The following CADPS variants were observed in gnomAD, a reference collection of about 807,000 sequenced individuals.
The protein encoded by CADPS is calcium-dependent secretion activator 1.
Under a neutral mutation model 167.3 loss-of-function variants are expected in CADPS, and 57 were observed. The observed-to-expected ratio is 0.34, with a 90% confidence interval of 0.28 to 0.42. The LOEUF is 0.42. Among genes scored for constraint, CADPS ranks in the 20% least tolerant of loss-of-function variants. The pLI is 1.00. For synonymous variants in CADPS, 676 were observed against 635.3 expected, an observed-to-expected ratio of 1.06 and a Z score of -0.96; for missense variants, 1,414 against 1,738.1, an observed-to-expected ratio of 0.81 and a Z score of 3.32.
rs540283925 is a variant in CADPS, at chr3:62,602,940, C to A, written c.1326-10192G>T. 1.3e-5 allele frequency among the ~76,000 whole-genome samples: 2 copies of A among 152,234 alleles called. No individual in the cohort carries two copies. Among genetic ancestry groups the A allele is most frequent in the South Asian group, 2.1e-4 (1 of 4,820 alleles). The stretch of plus-strand genomic sequence containing the variant: ...GTCACCGGATCTTTCAAATCCCCTA[C>A]GTATATCACAAATCTGATTTTTGCT... On this transcript the variant is annotated intron_variant, in intron 6 of 29. Coordinates refer to ENST00000383710, the MANE Select transcript of CADPS (RefSeq NM_003716.4). The surrounding 1 kb of genome is among the most constrained non-coding windows in gnomAD (Gnocchi z 4.4).
chr3:62,501,882 A>ATG (rs1184212682), intron 17 of CADPS, among the ~76,000 whole-genome samples: 1 of 152,260 alleles, frequency 6.6e-6, no homozygotes, highest in Admixed American at 6.5e-5. Flanking sequence ...GTGCATGTGC[A>ATG]TGCAGCCATT....
At chr3:62,434,551 C>T (rs1489378852) in intron 28 of CADPS, among the ~76,000 whole-genome samples, 3 of 152,066 alleles carry the variant, frequency 2.0e-5, no homozygotes, top group South Asian at 2.1e-4. Flanking sequence ...CAAAAAAAAT[C>T]GGTGAGGATG....
intron 26 of CADPS, among the ~76,000 whole-genome samples, chr3:62,461,201 A>T (rs1334339506): frequency 2.0e-5 from 3 of 152,242 alleles, no homozygotes; most frequent in Admixed American, 1.3e-4. Context: ...ATACATTTAA[A>T]GCACATAGCT....
intron 1 of CADPS, among the ~76,000 whole-genome samples, chr3:62,813,465 G>A (rs1218631721): frequency 2.0e-5 from 3 of 151,936 alleles, no homozygotes; most frequent in Non-Finnish European, 2.9e-5. Flanking sequence ...AAATAAACTC[G>A]AGATGTATTA....
At chr3:62,764,049 C>T (rs2086230255) in intron 2 of CADPS, among the ~76,000 whole-genome samples, 1 of 152,020 alleles carries the variant, frequency 6.6e-6, no homozygotes, top group Admixed American at 6.6e-5. Context: ...TTAATTTATG[C>T]CATTAGTCAA....
intron 1 of CADPS, among the ~76,000 whole-genome samples, chr3:62,781,683 G>C (rs1044778863): frequency 1.3e-5 from 2 of 152,184 alleles, no homozygotes; most frequent in African/African-American, 4.8e-5. Flanking sequence ...GATTGTGTGT[G>C]GGGGCACATG....
At chr3:62,727,673 T>A (rs968556647) in intron 3 of CADPS, among the ~76,000 whole-genome samples, 2 of 151,650 alleles carry the variant, frequency 1.3e-5, no homozygotes, top group Non-Finnish European at 2.9e-5. Flanking sequence ...CAACACTAGA[T>A]GAGAAAACCA....
intron 10 of CADPS, among the ~76,000 whole-genome samples, chr3:62,554,102 G>C (rs2077736646): frequency 6.6e-6 from 1 of 152,202 alleles, no homozygotes; most frequent in Non-Finnish European, 1.5e-5. Context: ...TCAGTTGTTT[G>C]ATAAACTGTG....
chr3:62,647,885 C>T (rs1435704124), intron 5 of CADPS, among the ~76,000 whole-genome samples: 1 of 152,164 alleles, frequency 6.6e-6, no homozygotes, highest in Non-Finnish European at 1.5e-5. Flanking sequence ...GATGAAAAAG[C>T]ACCTGGCCCA....
At chr3:62,764,639 T>G (rs537601336) in intron 2 of CADPS, among the ~76,000 whole-genome samples, 1 of 152,292 alleles carries the variant, frequency 6.6e-6, no homozygotes, top group Non-Finnish European at 1.5e-5. Flanking sequence ...CTTTAGCAAG[T>G]GGGAAGAAGA....
chr3:62,483,536 C>A (rs1159988837), intron 21 of CADPS, among the ~76,000 whole-genome samples: 1 of 152,154 alleles, frequency 6.6e-6, no homozygotes. Flanking sequence ...GTCTACCTGG[C>A]ATTCTCTTCT....
At chr3:62,717,238 C>T (rs1392726692) in intron 3 of CADPS, among the ~76,000 whole-genome samples, 1 of 152,174 alleles carries the variant, frequency 6.6e-6, no homozygotes, top group African/African-American at 2.4e-5. Flanking sequence ...GGGCTCAGTA[C>T]AGAATCACAT....
Position 62,605,285 on chromosome 3 carries a change from C to A in CADPS, c.1326-12537G>T, listed in dbSNP as rs535949432. Among the ~76,000 whole-genome samples the A allele has an allele frequency of 1.1e-4, 16 of 152,020 alleles. No homozygotes were observed. In the South Asian group the frequency reaches 2.9e-3, roughly 28 times the overall value. On this transcript the variant is annotated intron_variant, in intron 6 of 29. Coordinates refer to ENST00000383710, the MANE Select transcript of CADPS (RefSeq NM_003716.4). ...AAAACTGGGAGAGACAGAACAACAG[C>A]CTCTGAGCTGAAGAAGTCCTGAAGA...
chr3:62,680,597 T>C (rs1379009743), intron 3 of CADPS, among the ~76,000 whole-genome samples: 1 of 152,010 alleles, frequency 6.6e-6, no homozygotes. Flanking sequence ...CCTTGACATG[T>C]CTCCCCTGGA....
In CADPS at chr3:62,516,560, T is replaced by C; in HGVS notation, c.2457+20A>G. 6.4e-7 allele frequency: 1 copy of C among 1,562,098 alleles called. No homozygotes were observed. The highest frequency in any genetic ancestry group is 8.8e-7 in the Non-Finnish European group (1 of 1,140,808). On this transcript the variant is annotated intron_variant, in intron 15 of 29. Transcript: ENST00000383710. ...TGTCTTTTTATATATATGTGATCTATCTTTTACTTTCATTCTTACCCTTTC... is the reference window on the plus strand; with the variant it reads ...TGTCTTTTTATATATATGTGATCTACCTTTTACTTTCATTCTTACCCTTTC...
At chr3:62,771,161 A>G (rs2088616488) in intron 1 of CADPS, among the ~76,000 whole-genome samples, 1 of 152,182 alleles carries the variant, frequency 6.6e-6, no homozygotes, top group East Asian at 1.9e-4. Flanking sequence ...GTTTATAGCT[A>G]TACACATATG....
At chr3:62,604,255 T>G (rs1296644274) in intron 6 of CADPS, among the ~76,000 whole-genome samples, 1 of 152,162 alleles carries the variant, frequency 6.6e-6, no homozygotes, top group Non-Finnish European at 1.5e-5. Flanking sequence ...TCTGCTCCAG[T>G]AAGGTGTGAT....
chr3:62,737,222 G>A (rs1366925919), intron 3 of CADPS, among the ~76,000 whole-genome samples: 1 of 151,942 alleles, frequency 6.6e-6, no homozygotes, highest in Non-Finnish European at 1.5e-5. Flanking sequence ...GCCAAGGTGG[G>A]AAGATCACTT....
chr3:62,695,960 C>T (rs551443351), intron 3 of CADPS, among the ~76,000 whole-genome samples: 24 of 152,154 alleles, frequency 1.6e-4, no homozygotes, highest in South Asian at 6.2e-4. Context: ...TTATTCTGAA[C>T]GCTCCCACGT....
Sources: gnomAD v4.1 joint callset for allele counts (sites outside exome capture counted in the v4.1 genomes callset) on GRCh38, gnomAD v4.1.1 for gene constraint, Gnocchi (gnomAD v3.1) non-coding constraint, MANE v1.5 for transcripts, NCBI Gene and HGNC (gene_info 2026-07-23, HGNC 2026-07-21) for gene names.